Variants in KALRN observed in about 807,000 individuals in gnomAD.
KALRN encodes kalirin.
KALRN carries 70 observed loss-of-function variants against 353.7 expected under a neutral mutation model. The observed-to-expected ratio is 0.20, with a 90% CI of 0.16 to 0.24. The LOEUF is 0.24. Among genes scored for constraint, KALRN ranks in the 10% least tolerant of loss-of-function variants. KALRN has a pLI of 1.00. For synonymous variants in KALRN, 1,391 were observed against 1,434.8 expected, an observed-to-expected ratio of 0.97 and a Z score of 0.69; for missense variants, 2,791 against 3,756.7, an observed-to-expected ratio of 0.74 and a Z score of 6.72.
At chr3:124,456,844 A>T (rs115458868) in intron 23 of KALRN, 116 bp downstream of exon 23, 27 of 632,926 alleles carry the variant, frequency 4.3e-5, no homozygotes, top group African/African-American at 4.2e-4. Context: ...AGGGATTGGG[A>T]TGGACAGACA....
chr3:124,707,145 C>T (rs1406429253), intron 57 of KALRN, among the ~76,000 whole-genome samples: 1 of 151,934 alleles, frequency 6.6e-6, no homozygotes, highest in Non-Finnish European at 1.5e-5. Flanking sequence ...CCAAGACCAG[C>T]CTGGGCAACA....
At chr3:124,630,009 G>A (rs749969862) in intron 34 of KALRN, among the ~76,000 whole-genome samples, 39 of 152,072 alleles carry the variant, frequency 2.6e-4, no homozygotes, top group East Asian at 5.8e-4. Flanking sequence ...TGCAACTTTC[G>A]AATGCCCAGC....
Position 124,666,503 on chromosome 3 carries a change from G to A in KALRN, c.6400G>A (p.Glu2134Lys), listed in dbSNP as rs267599584. 5.6e-6 allele frequency: 9 copies of A among 1,613,904 alleles called. No individual in the cohort carries two copies. The highest frequency in any genetic ancestry group is 1.3e-5 in the African/African-American group (1 of 74,930). ...GCAGCAGGACACATTCTATGTGATC[G>A]AGCTGGATGCAGGCATGCAGTCCCG... ...LLQQDTFYVI[E>K]LDAGMQSRTK... Residue 2134 changes from glutamate to lysine, a missense_variant, in exon 46 of 60, where the codon GAG becomes AAG. Physicochemically the swap from Glu to Lys is moderately conservative, Grantham distance 56 (BLOSUM62 1). Around this residue, in one of 11 missense-constraint regions of KALRN, gnomAD observed 1,065 missense variants for 1,156.4 expected, o/e 0.92. Transcript: ENST00000682506.
intron 34 of KALRN, chr3:124,584,932 G>T: frequency 6.3e-7 from 1 of 1,580,920 alleles, no homozygotes; most frequent in South Asian, 1.2e-5. Flanking sequence ...CGGCCTTGGT[G>T]CCTTCTGTTA....
At chr3:124,088,438 G>T (rs1345840154) in intron 1 of KALRN, among the ~76,000 whole-genome samples, 1 of 152,170 alleles carries the variant, frequency 6.6e-6, no homozygotes, top group Admixed American at 6.5e-5. Context: ...GCCCCCTCCT[G>T]AAGGGCAGGT....
At chr3:124,221,797 G>A (rs1004839115) in intron 1 of KALRN, among the ~76,000 whole-genome samples, 1 of 152,182 alleles carries the variant, frequency 6.6e-6, no homozygotes, top group Non-Finnish European at 1.5e-5. Context: ...GTCTTCACTG[G>A]TTTTTTATCC....
chr3:124,617,590 T>C (rs917376901), intron 34 of KALRN, among the ~76,000 whole-genome samples: 5 of 152,136 alleles, frequency 3.3e-5, no homozygotes, highest in African/African-American at 1.2e-4. Context: ...ACTGAAAAAT[T>C]AGACTAAAGT....
At chr3:124,200,476 T>C (rs2075851830) in intron 1 of KALRN, among the ~76,000 whole-genome samples, 2 of 152,206 alleles carry the variant, frequency 1.3e-5, no homozygotes, top group Non-Finnish European at 2.9e-5. Flanking sequence ...CTCTGGGGTC[T>C]TTTTTAAAGA....
Position 124,398,880 on chromosome 3 carries a change from G to C in KALRN, c.2346+9G>C. The C allele has an allele frequency of 6.3e-7, 1 of 1,591,864 alleles. No homozygotes were observed. The highest frequency in any genetic ancestry group is 1.3e-5 in the African/African-American group (1 of 74,692). ...AGCAGTACACCATCGAGGTAGCAGG[G>C]GGCCAGGAGGGGAGGTGGAGAGGGG... On this transcript the variant is annotated intron_variant, in intron 13 of 59. Transcript: ENST00000682506.
chr3:124,407,564 C>T (rs2091702481), intron 13 of KALRN: 1 of 152,044 alleles, frequency 6.6e-6, no homozygotes, highest in Admixed American at 6.6e-5. Context: ...AGATGTGTTT[C>T]CTATTCATGA....
chr3:124,124,737 G>A (rs995319179), intron 1 of KALRN, among the ~76,000 whole-genome samples: 2 of 152,144 alleles, frequency 1.3e-5, no homozygotes, highest in African/African-American at 4.8e-5. Context: ...CCCTCCACCG[G>A]TAAAAAGATA....
chr3:124,436,927 T>G (rs1273192914), intron 17 of KALRN, among the ~76,000 whole-genome samples: 1 of 145,920 alleles, frequency 6.9e-6, no homozygotes, highest in Non-Finnish European at 1.5e-5. Flanking sequence ...CACCTCAAGT[T>G]TGGTGACAGA....
intron 37 of KALRN, among the ~76,000 whole-genome samples, chr3:124,642,814 T>TTGTTGTTGTTTTTTTTTTTTTTG (rs1295983829): frequency 0.016 from 1,624 of 102,244 alleles, 66 homozygotes; most frequent in Non-Finnish European, 0.03. Flanking sequence ...TCGTTTTTTT[T>TTGTTGTTGTTTTTTTTTTTTTTG]TTTTTTTTTT....
At chr3:124,689,241 CTGT>C (rs2061700208) in intron 51 of KALRN, among the ~76,000 whole-genome samples, 1 of 152,202 alleles carries the variant, frequency 6.6e-6, no homozygotes, top group Non-Finnish European at 1.5e-5. Context: ...GGGTCTCACT[CTGT>C]TGCCCAGGCA....
rs947333744 is a variant in KALRN at position 124,360,498 on chromosome 3, C to T, written c.1770+13233C>T. Among the ~76,000 whole-genome samples, 12 of 152,154 alleles carry T rather than the reference C, an allele frequency of 7.9e-5. No individual in the cohort carries two copies. In the East Asian group the frequency reaches 1.2e-3, roughly 15 times the overall value. On this transcript the variant is annotated intron_variant, in intron 10 of 59. Coordinates refer to ENST00000682506, the MANE Select transcript of KALRN (RefSeq NM_001388419.1). The stretch of plus-strand genomic sequence containing the variant: ...CCTCCTCAGAAAGAGTGGAATCACT[C>T]AAGTTTCACAAATGTGACAACATAT...
intron 32 of KALRN, among the ~76,000 whole-genome samples, chr3:124,493,741 GC>G (rs2063414820): frequency 6.6e-6 from 1 of 152,234 alleles, no homozygotes; most frequent in Non-Finnish European, 1.5e-5. Flanking sequence ...AGCCGCAGCA[GC>G]ATTGGTCCTG....
At chr3:124,661,261 T>G (rs541481243) in intron 44 of KALRN, among the ~76,000 whole-genome samples, 1 of 152,300 alleles carries the variant, frequency 6.6e-6, no homozygotes, top group East Asian at 1.9e-4. Context: ...TTAATATCCT[T>G]CAGAGATTAG....
intron 57 of KALRN, among the ~76,000 whole-genome samples, chr3:124,712,066 G>A (rs73195600): frequency 0.024 from 3,604 of 152,246 alleles, 106 homozygotes; most frequent in East Asian, 0.1. Flanking sequence ...TGAGAGGGTG[G>A]TGAGAGATAA....
At chr3:124,165,541 G>A (rs933195365) in intron 1 of KALRN, among the ~76,000 whole-genome samples, 35 of 152,210 alleles carry the variant, frequency 2.3e-4, no homozygotes, top group Middle Eastern at 3.4e-3. Context: ...CCAACATGTC[G>A]TCATGTTTCA....
Sources: gnomAD v4.1 joint callset for allele counts (sites outside exome capture counted in the v4.1 genomes callset) on GRCh38, gnomAD v4.1.1 for gene constraint, gnomAD v4.1.1 regional missense constraint, MANE v1.5 for transcripts, NCBI Gene and HGNC (gene_info 2026-07-23, HGNC 2026-07-21) for gene names.